C3orf70: variants seen among roughly 807,000 people sequenced by gnomAD.
C3orf70 encodes chromosome 3 open reading frame 70, also known as UPF0524 protein C3orf70.
C3orf70 carries 15 observed loss-of-function variants against 20.7 expected under a neutral mutation model. The observed-to-expected ratio is 0.72, with a 90% CI of 0.48 to 1.11. The LOEUF (loss-of-function observed/expected upper bound fraction) is 1.11, where lower values mean the gene tolerates loss of function less well. C3orf70 is among the 50% of genes most tolerant of loss of function. The pLI, the probability that C3orf70 is intolerant of heterozygous loss-of-function variation, is 0.00. For synonymous variants in C3orf70, 161 were observed against 125.7 expected (o/e 1.28, Z -1.88); for missense variants, 332 against 317.6 (o/e 1.05, Z -0.34).
chr3:185,088,807 T>G (rs1239869054), intron 1 of C3orf70, among the ~76,000 whole-genome samples: 1 of 152,238 alleles, frequency 6.6e-6, no homozygotes, highest in Non-Finnish European at 1.5e-5. Flanking sequence ...CAACAAATAT[T>G]ACTGTGGTGT....
chr3:185,086,143 T>TA (rs1715454517), intron 1 of C3orf70, among the ~76,000 whole-genome samples: 2 of 152,192 alleles, frequency 1.3e-5, no homozygotes, highest in South Asian at 4.1e-4. Context: ...TGTCCAAAGA[T>TA]AGAGGGAAAA....
chr3:185,089,068 C>A (rs950110620), intron 1 of C3orf70, among the ~76,000 whole-genome samples: 1 of 152,214 alleles, frequency 6.6e-6, no homozygotes, highest in Non-Finnish European at 1.5e-5. Context: ...TTCTTTAGGA[C>A]TGCAGCAATT....
At chr3:185,111,101 G>A (rs1716063094) in intron 1 of C3orf70, among the ~76,000 whole-genome samples, 1 of 152,208 alleles carries the variant, frequency 6.6e-6, no homozygotes, top group Non-Finnish European at 1.5e-5. Flanking sequence ...AGTACAAAAA[G>A]CAACTCACAA....
intron 1 of C3orf70, among the ~76,000 whole-genome samples, chr3:185,149,967 C>G (rs1251156802): frequency 6.6e-6 from 1 of 151,978 alleles, no homozygotes; most frequent in Non-Finnish European, 1.5e-5. Flanking sequence ...AAAATGGTAA[C>G]CATTTGTGGA....
At position 185,152,660 on chromosome 3, in the gene C3orf70, A is replaced by C. The variant is rs745910107; in HGVS notation, c.164T>G (p.Leu55Arg). 6.3e-7 allele frequency: 1 copy of C among 1,590,300 alleles called. No homozygotes were observed. ...CCATCCTAGGTGACAGCACCAGTGC[A>C]GCTTGAAGCACTTGCCATGGCTGTG... ...ATHSHGKCFKLHWCCHLGWCH... is the reference protein window; with the variant it reads ...ATHSHGKCFKRHWCCHLGWCH... The change falls in exon 1 of 2, where the codon CTG becomes CGG. Residue 55 changes from leucine to arginine, a missense_variant. Transcript: ENST00000335012.
intron 1 of C3orf70, among the ~76,000 whole-genome samples, chr3:185,088,162 C>CG (rs1227104364): frequency 6.6e-6 from 1 of 152,138 alleles, no homozygotes; most frequent in East Asian, 1.9e-4. Flanking sequence ...CCACCCGCCT[C>CG]GGCCTCCCAA....
chr3:185,152,555 G>C (rs1195207600), intron 1 of C3orf70, 73 bp downstream of exon 1: 1 of 1,393,916 alleles, frequency 7.2e-7, no homozygotes, highest in African/African-American at 1.5e-5. Context: ...CAGAGTTCCG[G>C]CAGCGACCCC....
chr3:185,115,504 A>G (rs1469741306), intron 1 of C3orf70, among the ~76,000 whole-genome samples: 1 of 152,150 alleles, frequency 6.6e-6, no homozygotes. Context: ...GCCCCTCTCT[A>G]TGCCTTTCCT....
intron 1 of C3orf70, among the ~76,000 whole-genome samples, chr3:185,106,018 CT>C (rs1280188097): frequency 6.6e-6 from 1 of 152,176 alleles, no homozygotes; most frequent in Non-Finnish European, 1.5e-5. Context: ...CATCCCTATC[CT>C]TCTGCACCCC....
At chr3:185,101,436 T>C (rs536169868) in intron 1 of C3orf70, among the ~76,000 whole-genome samples, 1 of 152,242 alleles carries the variant, frequency 6.6e-6, no homozygotes, top group African/African-American at 2.4e-5. Flanking sequence ...CACACAATTA[T>C]CTCAATAGAT....
chr3:185,094,936 G>A (rs142189145), intron 1 of C3orf70, among the ~76,000 whole-genome samples: 5 of 152,268 alleles, frequency 3.3e-5, no homozygotes, highest in Admixed American at 6.5e-5. Context: ...GACTCAGCCC[G>A]TCTGTATTAA....
At chr3:185,091,898 C>A in intron 1 of C3orf70, among the ~76,000 whole-genome samples, 1 of 18,502 alleles carries the variant, frequency 5.4e-5, no homozygotes, top group East Asian at 3.2e-3. Context: ...TACACACATA[C>A]ACACACACAC....
intron 1 of C3orf70, among the ~76,000 whole-genome samples, chr3:185,124,352 C>G (rs550901051): frequency 6.6e-6 from 1 of 152,222 alleles, no homozygotes; most frequent in African/African-American, 2.4e-5. Context: ...TTCTAAAATG[C>G]ATATGGAGAC....
At chr3:185,149,597 C>T (rs1236403411) in intron 1 of C3orf70, among the ~76,000 whole-genome samples, 1 of 152,180 alleles carries the variant, frequency 6.6e-6, no homozygotes, top group African/African-American at 2.4e-5. Context: ...AGGACTGATA[C>T]TGTAAACTCC....
At chr3:185,104,165 AT>A (rs908081281) in intron 1 of C3orf70, among the ~76,000 whole-genome samples, 1 of 152,172 alleles carries the variant, frequency 6.6e-6, no homozygotes, top group African/African-American at 2.4e-5. Context: ...TCTTTTGCTT[AT>A]TAAACTTTCC....
At chr3:185,148,323 A>G (rs1716916812) in intron 1 of C3orf70, among the ~76,000 whole-genome samples, 1 of 152,226 alleles carries the variant, frequency 6.6e-6, no homozygotes, top group Admixed American at 6.5e-5. Flanking sequence ...AACTAGATTC[A>G]TGACCTTCCT....
At chr3:185,145,932 T>G (rs1186647657) in intron 1 of C3orf70, among the ~76,000 whole-genome samples, 6 of 152,198 alleles carry the variant, frequency 3.9e-5, no homozygotes, top group Non-Finnish European at 2.9e-5. Flanking sequence ...CCTATCAGCG[T>G]TCTCTATCTC....
At chr3:185,123,844 T>C (rs950014170) in intron 1 of C3orf70, among the ~76,000 whole-genome samples, 1 of 152,192 alleles carries the variant, frequency 6.6e-6, no homozygotes, top group African/African-American at 2.4e-5. Flanking sequence ...CAAATGTCCT[T>C]TGAAGAATTT....
chr3:185,086,342 C>G (rs537482126), intron 1 of C3orf70, among the ~76,000 whole-genome samples: 1 of 152,244 alleles, frequency 6.6e-6, no homozygotes, highest in East Asian at 1.9e-4. Flanking sequence ...TGTATCCCCA[C>G]GAACTTCATG....
Sources: gnomAD v4.1 joint callset for allele counts (sites outside exome capture counted in the v4.1 genomes callset) on GRCh38, gnomAD v4.1.1 for gene constraint, MANE v1.5 for transcripts, NCBI Gene and HGNC (gene_info 2026-07-23, HGNC 2026-07-21) for gene names.